NFAT5: variants seen among roughly 807,000 people sequenced by gnomAD.
The protein encoded by NFAT5 is nuclear factor of activated T cells 5, also known as nuclear factor of activated T-cells 5.
Under a neutral mutation model 166.5 loss-of-function variants are expected in NFAT5, and 31 were observed. That is an observed-to-expected ratio of 0.19 (90% CI 0.14 to 0.25). The LOEUF (loss-of-function observed/expected upper bound fraction) is 0.25, where lower values mean the gene tolerates loss of function less well. Ranked by LOEUF, NFAT5 falls within the 10% of genes least tolerant of loss-of-function variation. The probability of loss-of-function intolerance (pLI) is 1.00; values close to 1 mark genes in which losing one functional copy is unlikely to be tolerated. For synonymous variants in NFAT5, 612 were observed against 639.7 expected, an observed-to-expected ratio of 0.96 and a Z score of 0.65; for missense variants, 1,449 against 1,821.8, an observed-to-expected ratio of 0.80 and a Z score of 3.72.
At position 69,697,893 on chromosome 16, in the gene NFAT5, G is replaced by C. The variant is rs1008132606; in HGVS notation, c.*1542G>C. The C allele has an allele frequency of 1.3e-5, 2 of 151,146 alleles. No homozygotes were observed. Among genetic ancestry groups the C allele is most frequent in the Non-Finnish European group, 2.9e-5 (2 of 67,802 alleles). The allele number at this position is 151,146 out of a possible 1,614,324, so 9.4% of individuals were successfully genotyped here. ...CTTGTCCGTTTCATTTATTTTTTAAGTGTACAAAAAATAACCTGTTAATTG... is the reference window on the plus strand; with the variant it reads ...CTTGTCCGTTTCATTTATTTTTTAACTGTACAAAAAATAACCTGTTAATTG... On this transcript the variant is annotated 3_prime_UTR_variant, in exon 15 of 15. Coordinates refer to ENST00000349945, the MANE Select transcript of NFAT5 (RefSeq NM_138713.4).
chr16:69,624,843 T>G (rs1438529920), intron 2 of NFAT5, among the ~76,000 whole-genome samples: 1 of 152,082 alleles, frequency 6.6e-6, no homozygotes, highest in Non-Finnish European at 1.5e-5. Flanking sequence ...CCCTTAAATT[T>G]CATGCCTCAG....
chr16:69,688,056 C>T (rs1270146460), intron 11 of NFAT5, among the ~76,000 whole-genome samples: 6 of 150,576 alleles, frequency 4.0e-5, no homozygotes, highest in East Asian at 2.0e-4. Flanking sequence ...ATTAGCCGGG[C>T]GCGGTGGCGG....
At chr16:69,650,691 A>G (rs551620642) in intron 4 of NFAT5, among the ~76,000 whole-genome samples, 5 of 152,152 alleles carry the variant, frequency 3.3e-5, no homozygotes, top group African/African-American at 4.8e-5. Flanking sequence ...TCCCTTTTCT[A>G]TTATAAAATT....
chr16:69,702,277 T>G lies in NFAT5; in HGVS notation c.*5926T>G, dbSNP rs780963896. ...TCCCTTTTCTTTTGGATAGCCAACT[T>G]GGTATAAATGTTATATGGATTTTTC... On this transcript the variant is annotated 3_prime_UTR_variant, in exon 15 of 15. Transcript: ENST00000349945. 1 of 152,678 alleles carries G rather than the reference T, an allele frequency of 6.5e-6. No individual in the cohort carries two copies. The highest frequency in any genetic ancestry group is 2.4e-5 in the African/African-American group (1 of 41,466). 9.5% of individuals were successfully genotyped at this position (152,678 alleles called of 1,614,324 possible).
intron 9 of NFAT5, among the ~76,000 whole-genome samples, chr16:69,671,458 A>G (rs2036617378): frequency 6.6e-6 from 1 of 152,012 alleles, no homozygotes. Flanking sequence ...GCAACCTCTG[A>G]CTCCCTGGTT....
At chr16:69,639,239 A>C (rs2035101710) in intron 3 of NFAT5, among the ~76,000 whole-genome samples, 1 of 152,214 alleles carries the variant, frequency 6.6e-6, no homozygotes, top group South Asian at 2.1e-4. Context: ...CACTGTGCTT[A>C]GATCCTTTGG....
chr16:69,666,215 C>A (rs1161556902), intron 7 of NFAT5, among the ~76,000 whole-genome samples: 2 of 144,324 alleles, frequency 1.4e-5, no homozygotes, highest in Non-Finnish European at 3.0e-5. Flanking sequence ...ACCATAAAAA[C>A]CCTAGAAGAA....
intron 1 of NFAT5, among the ~76,000 whole-genome samples, 159 bp from the exon 2 acceptor site, chr16:69,568,334 GTA>G (rs371948858): frequency 0.19 from 25,106 of 133,332 alleles, 2,793 homozygotes; most frequent in East Asian, 0.37. Flanking sequence ...ATGTATGTGT[GTA>G]TATATATATA....
chr16:69,628,063 T>C (rs1567553564), intron 3 of NFAT5, among the ~76,000 whole-genome samples: 1 of 152,106 alleles, frequency 6.6e-6, no homozygotes, highest in Non-Finnish European at 1.5e-5. Context: ...TTTTAACATC[T>C]GTTGACGGTA....
chr16:69,663,629 G>A (rs2036242969), intron 7 of NFAT5, among the ~76,000 whole-genome samples: 1 of 151,490 alleles, frequency 6.6e-6, no homozygotes, highest in African/African-American at 2.4e-5. Context: ...CAGCACTTTG[G>A]GAGGGCGAGG....
At chr16:69,648,892 C>T (rs1206648560) in intron 4 of NFAT5, 1 of 942,286 alleles carries the variant, frequency 1.1e-6, no homozygotes, top group Non-Finnish European at 1.3e-6. Context: ...TGCCCTTAAG[C>T]ACTCCCTCAG....
intron 7 of NFAT5, among the ~76,000 whole-genome samples, chr16:69,667,399 CTT>C (rs1247330108): frequency 6.6e-6 from 1 of 150,872 alleles, no homozygotes; most frequent in Non-Finnish European, 1.5e-5. Flanking sequence ...TGTGGGATCT[CTT>C]TTGCATAATT....
Position 69,605,332 on chromosome 16 carries a change from T to C in NFAT5, c.128-21071T>C, listed in dbSNP as rs372637234. Among the ~76,000 whole-genome samples the C allele has an allele frequency of 3.3e-5, 5 of 152,102 alleles. No homozygotes were observed. In the East Asian group the frequency reaches 9.7e-4, roughly 29 times the overall value. On this transcript the variant is annotated intron_variant, in intron 2 of 14. Transcript: ENST00000349945. ...GTGGGCGCCTGTAATTCTAGCTACT[T>C]GGGAGGCTGAGGTAGGAGAATCGCT... is the stretch of plus-strand genomic sequence containing the variant.
intron 2 of NFAT5, among the ~76,000 whole-genome samples, chr16:69,592,012 T>C (rs534048447): frequency 1.1e-4 from 16 of 152,258 alleles, no homozygotes; most frequent in South Asian, 1.0e-3. Flanking sequence ...ATGATACTTA[T>C]TGGCTCTTTT....
At chr16:69,688,198 G>T (rs1169642092) in intron 11 of NFAT5, among the ~76,000 whole-genome samples, 7 of 42,830 alleles carry the variant, frequency 1.6e-4, no homozygotes, top group Non-Finnish European at 7.8e-5. Context: ...GCGAGACTCC[G>T]TCTCAAAAAA....
At chr16:69,672,427 G>C (rs1325058127) in intron 9 of NFAT5, among the ~76,000 whole-genome samples, 1 of 152,178 alleles carries the variant, frequency 6.6e-6, no homozygotes, top group Non-Finnish European at 1.5e-5. Flanking sequence ...AGACTCCTCT[G>C]ACTCTAACAT....
intron 2 of NFAT5, among the ~76,000 whole-genome samples, chr16:69,615,039 G>C (rs1329193142): frequency 6.7e-6 from 1 of 148,900 alleles, no homozygotes; most frequent in Admixed American, 6.7e-5. Flanking sequence ...ACCACTCCCA[G>C]CTAAATTTTT....
intron 2 of NFAT5, among the ~76,000 whole-genome samples, chr16:69,582,788 T>G (rs1289042058): frequency 6.6e-6 from 1 of 151,886 alleles, no homozygotes; most frequent in Non-Finnish European, 1.5e-5. Context: ...GTTTTGAAAT[T>G]AGGAAGCGTG....
intron 3 of NFAT5, among the ~76,000 whole-genome samples, chr16:69,635,393 C>T (rs1232439938): frequency 1.3e-5 from 2 of 151,998 alleles, no homozygotes; most frequent in Non-Finnish European, 2.9e-5. Context: ...TGCATTCTCA[C>T]CCAGTCTATT....
Sources: allele counts gnomAD v4.1 joint callset (sites outside exome capture counted in the v4.1 genomes callset), GRCh38; gene constraint gnomAD v4.1.1; transcripts MANE v1.5; gene names NCBI Gene and HGNC (gene_info 2026-07-23, HGNC 2026-07-21).